CHODL: variants seen among roughly 807,000 people sequenced by gnomAD.
CHODL encodes chondrolectin, also known as transmembrane protein MT75.
Under a neutral mutation model 34.5 loss-of-function variants are expected in CHODL, and 29 were observed. The ratio of observed to expected loss-of-function variants is 0.84; its 90% CI spans 0.63 to 1.15. The LOEUF (loss-of-function observed/expected upper bound fraction) is 1.15. CHODL is among the 50% of genes most tolerant of loss of function. CHODL has a pLI of 0.00. For synonymous variants in CHODL, 125 were observed against 116.1 expected (o/e 1.08, Z -0.49); for missense variants, 332 against 332.5 (o/e 1.00, Z 0.01).
chr21:18,125,800 A>T (rs982274989), intron 2 of CHODL, among the ~76,000 whole-genome samples: 1 of 152,144 alleles, frequency 6.6e-6, no homozygotes, highest in Non-Finnish European at 1.5e-5. Flanking sequence ...AGGCACCAAA[A>T]ACAGCATAAA....
intron 2 of CHODL, among the ~76,000 whole-genome samples, chr21:18,090,662 A>T (rs1249752130): frequency 6.6e-6 from 1 of 151,668 alleles, no homozygotes; most frequent in Non-Finnish European, 1.5e-5. Flanking sequence ...AAATATGAAA[A>T]GGAAAATAAA....
chr21:17,971,953 C>A (rs1258090416), intron 1 of CHODL, among the ~76,000 whole-genome samples: 2 of 152,138 alleles, frequency 1.3e-5, no homozygotes, highest in Non-Finnish European at 2.9e-5. Context: ...CATCAAAAAG[C>A]TTATCTACCA....
At chr21:18,027,123 A>AC (rs2064184931) in intron 1 of CHODL, among the ~76,000 whole-genome samples, 1 of 150,668 alleles carries the variant, frequency 6.6e-6, no homozygotes. Context: ...ATGAAAAAAA[A>AC]ATTAGCTGAG....
intron 2 of CHODL, among the ~76,000 whole-genome samples, chr21:18,128,266 A>C (rs1428593459): frequency 8.2e-6 from 1 of 122,518 alleles, no homozygotes; most frequent in Non-Finnish European, 1.6e-5. Flanking sequence ...GCGCCACTGC[A>C]CTCCAGCCTG....
chr21:18,123,878 C>T (rs1370649740), intron 2 of CHODL, among the ~76,000 whole-genome samples: 1 of 152,032 alleles, frequency 6.6e-6, no homozygotes, highest in Non-Finnish European at 1.5e-5. Flanking sequence ...GGTACCTCAC[C>T]CTTTTGATAC....
chr21:18,177,914 T>A lies in CHODL; in HGVS notation c.-44-78595T>A, dbSNP rs78000935. Among the ~76,000 whole-genome samples the A allele has an allele frequency of 2.6e-3, 403 of 152,274 alleles. 3 individuals are homozygous for A. The highest frequency in any genetic ancestry group is 9.0e-3 in the African/African-American group (373 of 41,562). ...TAGAATAAACAAATTTGTTAATCTT[T>A]GAGAAAGCTATTTACTTGGTCCAAA... On this transcript the variant is annotated intron_variant, in intron 2 of 6. Coordinates refer to the CHODL transcript ENST00000400127.
chr21:18,257,579 G>C (rs907904334), intron 3 of CHODL, among the ~76,000 whole-genome samples: 24 of 152,112 alleles, frequency 1.6e-4, no homozygotes, highest in Non-Finnish European at 2.9e-4. Flanking sequence ...TCATTTTATG[G>C]TATAATACTT....
intron 2 of CHODL, among the ~76,000 whole-genome samples, chr21:18,165,225 T>C (rs1479230150): frequency 6.6e-6 from 1 of 152,236 alleles, no homozygotes; most frequent in Non-Finnish European, 1.5e-5. Flanking sequence ...GCTGTACTCA[T>C]ACAAGCCATC....
rs141773044 is a variant in CHODL at position 18,050,529 on chromosome 21, A to G, written c.-45+22558A>G. Among the ~76,000 whole-genome samples the G allele has an allele frequency of 1.6e-3, 244 of 152,048 alleles. 1 individual carries two copies. The highest frequency in any genetic ancestry group is 5.8e-3 in the African/African-American group (239 of 41,514). ...TTGGACGAAGGTGGTAGCAGTACAG[A>G]TGAGTGACATAGATAAACGTAAGAT... On this transcript the variant is annotated intron_variant, in intron 2 of 6. Coordinates refer to the CHODL transcript ENST00000400127.
intron 2 of CHODL, among the ~76,000 whole-genome samples, chr21:18,150,250 G>A (rs2072947380): frequency 6.6e-6 from 1 of 152,178 alleles, no homozygotes; most frequent in Non-Finnish European, 1.5e-5. Flanking sequence ...CAGGTAGCAG[G>A]CCTCAGAGAG....
chr21:17,921,243 G>A (rs777191103), intron 1 of CHODL, among the ~76,000 whole-genome samples: 31 of 152,222 alleles, frequency 2.0e-4, no homozygotes, highest in Non-Finnish European at 3.2e-4. Flanking sequence ...TCTTGCTTGA[G>A]GAGGCTGGTC....
intron 1 of CHODL, among the ~76,000 whole-genome samples, chr21:17,950,497 A>AAC (rs200120318): frequency 0.051 from 6,660 of 130,312 alleles, 144 homozygotes; most frequent in Middle Eastern, 0.078. Context: ...CTAGATACAC[A>AAC]ACACACACAC....
At chr21:17,953,047 A>G (rs2063471307) in intron 1 of CHODL, among the ~76,000 whole-genome samples, 1 of 152,162 alleles carries the variant, frequency 6.6e-6, no homozygotes, top group Non-Finnish European at 1.5e-5. Flanking sequence ...CTCCCTTGAC[A>G]CATGGGGATT....
chr21:18,072,480 G>A (rs2064817343), intron 2 of CHODL, among the ~76,000 whole-genome samples: 1 of 152,054 alleles, frequency 6.6e-6, no homozygotes, highest in Non-Finnish European at 1.5e-5. Context: ...ATTTAAGACG[G>A]GAATTTAGGA....
chr21:18,112,542 G>C (rs1444068765), intron 2 of CHODL, among the ~76,000 whole-genome samples: 2 of 152,096 alleles, frequency 1.3e-5, no homozygotes, highest in African/African-American at 2.4e-5. Context: ...AACCAAAACA[G>C]CATGCTGCTG....
rs568614271 is a variant in CHODL, at chr21:18,031,777, A to G, written c.-45+3806A>G. ...TACTTGAGGCCCAATAAATTACACT[A>G]TTAGAGAATCCATAGCCTTTTTCCT... On this transcript the variant is annotated intron_variant, in intron 2 of 6. Coordinates refer to the CHODL transcript ENST00000400127. Among the ~76,000 whole-genome samples, 25 of 152,204 alleles carry G rather than the reference A, an allele frequency of 1.6e-4. No homozygotes were observed. In the South Asian group the frequency reaches 3.1e-3, roughly 19 times the overall value.
chr21:17,925,576 A>G (rs2063216179), intron 1 of CHODL, among the ~76,000 whole-genome samples: 1 of 152,234 alleles, frequency 6.6e-6, no homozygotes, highest in South Asian at 2.1e-4. Context: ...GCTACTCCTT[A>G]TGGAGTTTGC....
At chr21:18,184,635 T>C (rs1251082185) in intron 2 of CHODL, among the ~76,000 whole-genome samples, 1 of 152,182 alleles carries the variant, frequency 6.6e-6, no homozygotes. Flanking sequence ...GGCTGGACAA[T>C]GCCCAGTATT....
At position 17,927,137 on chromosome 21, in the gene CHODL, T is replaced by G. The variant is rs1049565000; in HGVS notation, c.-145+9737T>G. On this transcript the variant is annotated intron_variant, in intron 1 of 6. Transcript: ENST00000400127. ...ATATGTATATATGTATATATATGTA[T>G]ATATGTATATATGTATATATATGTA... 2.6e-5 allele frequency among the ~76,000 whole-genome samples: 3 copies of G among 113,634 alleles called. No homozygotes were observed. In the East Asian group the frequency reaches 7.5e-4, roughly 28 times the overall value. 74.5% of individuals were successfully genotyped at this position (113,634 alleles called of 152,430 possible).
Sources: gnomAD v4.1 joint callset for allele counts (sites outside exome capture counted in the v4.1 genomes callset) on GRCh38, gnomAD v4.1.1 for gene constraint, MANE v1.5 for transcripts, NCBI Gene and HGNC (gene_info 2026-07-23, HGNC 2026-07-21) for gene names.